ZDHHC13: variants seen among roughly 807,000 people sequenced by gnomAD.
The protein encoded by ZDHHC13 is palmitoyltransferase ZDHHC13.
A neutral mutation model predicts 86.0 loss-of-function variants in ZDHHC13; 85 were observed. That is an observed-to-expected ratio of 0.99 (90% CI 0.83 to 1.18). The LOEUF (loss-of-function observed/expected upper bound fraction) is 1.18. Ranked by LOEUF, ZDHHC13 falls within the 50% of genes most tolerant of loss-of-function variation. ZDHHC13 has a pLI of 0.00. For missense variants in ZDHHC13, 711 were observed against 730.2 expected, an observed-to-expected ratio of 0.97 and a Z score of 0.30; for synonymous variants, 263 against 246.4, an observed-to-expected ratio of 1.07 and a Z score of -0.63.
intron 8 of ZDHHC13, 40 bp downstream of exon 8, chr11:19,152,724 T>C (rs755172259): frequency 6.2e-7 from 1 of 1,610,384 alleles, no homozygotes; most frequent in South Asian, 1.1e-5. Context: ...ATAGATGACT[T>C]TTTTTGTTCA....
chr11:19,131,100 G>T (rs1848990362), intron 1 of ZDHHC13, among the ~76,000 whole-genome samples: 1 of 150,994 alleles, frequency 6.6e-6, no homozygotes, highest in Non-Finnish European at 1.5e-5. Context: ...CTCACTGCAA[G>T]CTCCGCCTCC....
chr11:19,132,228 C>T (rs941557528), intron 1 of ZDHHC13, among the ~76,000 whole-genome samples: 4 of 152,052 alleles, frequency 2.6e-5, no homozygotes, highest in Non-Finnish European at 4.4e-5. Context: ...GTTTGGCAGG[C>T]GGTAAAGTTA....
intron 9 of ZDHHC13, among the ~76,000 whole-genome samples, chr11:19,157,723 G>C (rs1347610321): frequency 9.2e-5 from 14 of 152,176 alleles, no homozygotes; most frequent in Admixed American, 9.2e-4. Flanking sequence ...CCCTAGGATA[G>C]GAACATTTGA....
chr11:19,170,821 C>T (rs867453109), intron 15 of ZDHHC13, among the ~76,000 whole-genome samples: 15 of 152,152 alleles, frequency 9.9e-5, no homozygotes, highest in Middle Eastern at 6.8e-3. Context: ...TAGAGTATGA[C>T]CTAGGAGTTA....
At chr11:19,148,852 G>A (rs369824663) in intron 4 of ZDHHC13, 10 of 167,898 alleles carry the variant, frequency 6.0e-5, no homozygotes, top group South Asian at 1.8e-4. Flanking sequence ...TGTAGTCCCC[G>A]CTGAGGCAGG....
At chr11:19,134,452 C>T (rs1157494516) in intron 1 of ZDHHC13, among the ~76,000 whole-genome samples, 1 of 152,108 alleles carries the variant, frequency 6.6e-6, no homozygotes, top group African/African-American at 2.4e-5. Flanking sequence ...GACTTGGAAC[C>T]AACTCAAATG....
chr11:19,174,611 G>A (rs953417502), intron 16 of ZDHHC13, among the ~76,000 whole-genome samples: 8 of 152,244 alleles, frequency 5.3e-5, no homozygotes, highest in African/African-American at 1.9e-4. Flanking sequence ...GAGCATATGC[G>A]TAAAAATGAG....
At chr11:19,134,713 G>A (rs1017833281) in intron 1 of ZDHHC13, among the ~76,000 whole-genome samples, 8 of 152,030 alleles carry the variant, frequency 5.3e-5, no homozygotes, top group Non-Finnish European at 1.2e-4. Flanking sequence ...GTCAGGGGGT[G>A]GGGGGCAAGG....
At chr11:19,124,017 CTCAACAG>C (rs1848814490) in intron 1 of ZDHHC13, among the ~76,000 whole-genome samples, 1 of 152,076 alleles carries the variant, frequency 6.6e-6, no homozygotes, top group Non-Finnish European at 1.5e-5. Context: ...CGTTTTTTGA[CTCAACAG>C]TCCTACTTTG....
chr11:19,158,342 T>C (rs1379871427), intron 9 of ZDHHC13, among the ~76,000 whole-genome samples: 1 of 152,294 alleles, frequency 6.6e-6, no homozygotes, highest in Non-Finnish European at 1.5e-5. Context: ...ATAAATTACA[T>C]GTGAACCTCA....
intron 5 of ZDHHC13, 25 bp downstream of exon 5, chr11:19,149,356 C>G: frequency 6.6e-7 from 1 of 1,524,348 alleles, no homozygotes; most frequent in East Asian, 2.3e-5. Flanking sequence ...GTGTCTTATA[C>G]TCCAGTTTTT....
intron 1 of ZDHHC13, among the ~76,000 whole-genome samples, chr11:19,120,879 T>C (rs1848747071): frequency 6.6e-6 from 1 of 152,174 alleles, no homozygotes; most frequent in African/African-American, 2.4e-5. Context: ...TGGAATAGAA[T>C]CATAGAATAC....
At chr11:19,160,250 G>A (rs2133451157) in intron 10 of ZDHHC13, among the ~76,000 whole-genome samples, 1 of 152,018 alleles carries the variant, frequency 6.6e-6, no homozygotes, top group Admixed American at 6.5e-5. Context: ...GAATGGCACA[G>A]CATACATTGG....
In ZDHHC13 at chr11:19,117,542, C is replaced by G. The variant is rs1478469958; in HGVS notation, c.27+266C>G. 1 of 385,724 alleles carries G rather than the reference C, an allele frequency of 2.6e-6. No individual in the cohort carries two copies. The highest frequency in any genetic ancestry group is 4.6e-6 in the Non-Finnish European group (1 of 217,780). 23.9% of individuals were successfully genotyped at this position (385,724 alleles called of 1,614,324 possible). On this transcript the variant is annotated intron_variant, in intron 1 of 16. Transcript: ENST00000446113. This position sits in a 1 kb window ranked among gnomAD's most constrained non-coding sequence, Gnocchi z 4.2. ...CCCTGGCCAGGGCGCCCCCTGGGGC[C>G]GGTACCCGGAGCCCGGCGGGGACCT...
chr11:19,130,244 G>T (rs576391094), intron 1 of ZDHHC13, among the ~76,000 whole-genome samples: 1 of 152,212 alleles, frequency 6.6e-6, no homozygotes, highest in Non-Finnish European at 1.5e-5. Context: ...TTATTTAATA[G>T]ATATTATGTT....
chr11:19,152,403 A>G (rs887058409), intron 7 of ZDHHC13, 83 bp downstream of exon 7: 3 of 1,507,310 alleles, frequency 2.0e-6, no homozygotes, highest in Non-Finnish European at 2.7e-6. Context: ...AAGCTATATA[A>G]TTGTTTTCAG....
At chr11:19,172,128 A>G (rs1008820418) in intron 15 of ZDHHC13, among the ~76,000 whole-genome samples, 2 of 152,188 alleles carry the variant, frequency 1.3e-5, no homozygotes, top group Non-Finnish European at 2.9e-5. Context: ...GCTGGAGTGC[A>G]GTGGCGGGAT....
At chr11:19,117,141 GT>G (rs1447541289), upstream of ZDHHC13, 6 of 1,241,890 alleles carry the variant, frequency 4.8e-6, no homozygotes, top group Non-Finnish European at 5.6e-6. This position sits in a 1 kb window ranked among gnomAD's most constrained non-coding sequence, Gnocchi z 4.2. Flanking sequence ...AGCGGCGGAG[GT>G]GAGGGCGCCA....
chr11:19,138,118 A>C (rs371738554), intron 1 of ZDHHC13, among the ~76,000 whole-genome samples: 2,480 of 150,144 alleles, frequency 0.017, 45 homozygotes, highest in African/African-American at 0.034. Flanking sequence ...ATTAATGAAT[A>C]CAGGAGCTGG....
Sources: allele counts gnomAD v4.1 joint callset (sites outside exome capture counted in the v4.1 genomes callset), GRCh38; gene constraint gnomAD v4.1.1; non-coding constraint Gnocchi (gnomAD v3.1); transcripts MANE v1.5; gene names NCBI Gene and HGNC (gene_info 2026-07-23, HGNC 2026-07-21).